The following DYNC1I1 variants were observed in gnomAD, a reference collection of about 807,000 sequenced individuals.
The protein encoded by DYNC1I1 is dynein cytoplasmic 1 intermediate chain 1, also known as cytoplasmic dynein 1 intermediate chain 1.
A neutral mutation model predicts 86.6 loss-of-function variants in DYNC1I1; 43 were observed. That is an observed-to-expected ratio of 0.50 (90% confidence interval 0.39 to 0.64). The LOEUF is 0.64. DYNC1I1 is among the 30% of genes least tolerant of loss of function. The pLI is 0.00. For synonymous variants in DYNC1I1, 262 were observed against 283.7 expected, an observed-to-expected ratio of 0.92 and a Z score of 0.77; for missense variants, 604 against 788.8, an observed-to-expected ratio of 0.77 and a Z score of 2.81.
intron 5 of DYNC1I1, among the ~76,000 whole-genome samples, chr7:95,868,757 T>C (rs1790082417): frequency 6.6e-6 from 1 of 152,216 alleles, no homozygotes; most frequent in Non-Finnish European, 1.5e-5. Context: ...GTGTATGTGG[T>C]ACATAGACAT....
intron 10 of DYNC1I1, among the ~76,000 whole-genome samples, chr7:96,019,754 T>C (rs1454595483): frequency 6.6e-6 from 1 of 152,110 alleles, no homozygotes; most frequent in Non-Finnish European, 1.5e-5. Context: ...TGTTACTAGA[T>C]CATCAGGACA....
At chr7:95,889,507 C>T (rs1159476019) in intron 6 of DYNC1I1, among the ~76,000 whole-genome samples, 1 of 152,118 alleles carries the variant, frequency 6.6e-6, no homozygotes, top group Non-Finnish European at 1.5e-5. Flanking sequence ...TGAAAGTTAA[C>T]CTAGGCAATA....
At chr7:96,037,024 A>G (rs1394049440) in intron 13 of DYNC1I1, among the ~76,000 whole-genome samples, 3 of 152,212 alleles carry the variant, frequency 2.0e-5, no homozygotes, top group African/African-American at 4.8e-5. Context: ...ATGAAGAACC[A>G]CAAATTGTTC....
At chr7:96,046,133 A>C (rs1268528296) in intron 14 of DYNC1I1, among the ~76,000 whole-genome samples, 2 of 152,206 alleles carry the variant, frequency 1.3e-5, no homozygotes, top group East Asian at 3.9e-4. Flanking sequence ...ACCAGGCTGC[A>C]TTCCAGGCAG....
chr7:95,803,302 C>T (rs1584237413), intron 1 of DYNC1I1, among the ~76,000 whole-genome samples: 1 of 152,296 alleles, frequency 6.6e-6, no homozygotes. Flanking sequence ...TTGAGCTATA[C>T]GCTCTTTGAA....
At chr7:95,845,405 C>A (rs761040911) in intron 5 of DYNC1I1, among the ~76,000 whole-genome samples, 8 of 152,150 alleles carry the variant, frequency 5.3e-5, no homozygotes, top group Non-Finnish European at 1.0e-4. Flanking sequence ...TTGCCATTTG[C>A]CTAACAGAAC....
chr7:96,009,987 C>T (rs1187479651), intron 10 of DYNC1I1, among the ~76,000 whole-genome samples: 1 of 152,090 alleles, frequency 6.6e-6, no homozygotes, highest in Non-Finnish European at 1.5e-5. Flanking sequence ...CCATGTTGGT[C>T]AGGCTGATCT....
At chr7:95,911,638 A>C (rs1197169174) in intron 6 of DYNC1I1, among the ~76,000 whole-genome samples, 1 of 152,130 alleles carries the variant, frequency 6.6e-6, no homozygotes, top group Non-Finnish European at 1.5e-5. Flanking sequence ...GTGATTCTCA[A>C]ATTTGAGCAT....
rs182714692 is a variant in DYNC1I1, at chr7:95,964,997, A to G, written c.491-12515A>G. On this transcript the variant is annotated intron_variant, in intron 6 of 16. Transcript: ENST00000447467. Reference sequence around the variant, plus strand: ...CAAACCAAAGAGTGGTAGCCCATGCATTATGAGATAGAGCTGGACACATGG... The same window carrying G: ...CAAACCAAAGAGTGGTAGCCCATGCGTTATGAGATAGAGCTGGACACATGG... Among the ~76,000 whole-genome samples the G allele has an allele frequency of 4.6e-5, 7 of 152,320 alleles. No homozygotes were observed. The East Asian group carries it at 1.2e-3, about 25-fold the overall frequency.
chr7:96,041,505 A>G lies in DYNC1I1; in HGVS notation c.1509+2084A>G, dbSNP rs1314280550. Among the ~76,000 whole-genome samples the G allele has an allele frequency of 4.6e-5, 7 of 152,224 alleles. No homozygotes were observed. In the South Asian group the frequency reaches 1.0e-3, roughly 23 times the overall value. On this transcript the variant is annotated intron_variant, in intron 14 of 16. Transcript: ENST00000447467. The stretch of plus-strand genomic sequence containing the variant: ...TACCAGCAAAAATAAGACAGAAGAC[A>G]TATGGAGAAGGACATTCACTGAAAG...
At chr7:96,110,221 A>AGCACC (rs1791292554), downstream of DYNC1I1, 1 of 263,604 alleles carries the variant, frequency 3.8e-6, no homozygotes, top group African/African-American at 2.3e-5. Context: ...AGGTGCCTAC[A>AGCACC]TATTGAGGAT....
chr7:96,031,016 A>G (rs141705624), intron 11 of DYNC1I1, among the ~76,000 whole-genome samples: 10 of 152,304 alleles, frequency 6.6e-5, no homozygotes, highest in African/African-American at 2.2e-4. Context: ...TGAAAGACAT[A>G]GGGACTTAGC....
intron 1 of DYNC1I1, among the ~76,000 whole-genome samples, chr7:95,785,611 A>G (rs1479257694): frequency 6.6e-6 from 1 of 151,724 alleles, no homozygotes; most frequent in Non-Finnish European, 1.5e-5. Flanking sequence ...CAAATATGCC[A>G]TTTCAAAGGT....
At chr7:95,859,240 G>A (rs958106824) in intron 5 of DYNC1I1, among the ~76,000 whole-genome samples, 6 of 151,282 alleles carry the variant, frequency 4.0e-5, no homozygotes, top group Admixed American at 2.0e-4. Flanking sequence ...TTGTTTCTCT[G>A]TATTTTCTTG....
chr7:95,822,871 T>C (rs1320727406), intron 4 of DYNC1I1, among the ~76,000 whole-genome samples: 1 of 152,164 alleles, frequency 6.6e-6, no homozygotes, highest in Non-Finnish European at 1.5e-5. Flanking sequence ...GCTAGGTTGG[T>C]CATCCCAGGA....
chr7:96,065,866 C>T (rs950494292), intron 14 of DYNC1I1, among the ~76,000 whole-genome samples: 1 of 152,174 alleles, frequency 6.6e-6, no homozygotes, highest in Non-Finnish European at 1.5e-5. Context: ...CTCTATTTCT[C>T]TATTTTTTCT....
intron 8 of DYNC1I1, among the ~76,000 whole-genome samples, chr7:95,986,387 G>A (rs1278886527): frequency 6.6e-6 from 1 of 152,248 alleles, no homozygotes; most frequent in East Asian, 1.9e-4. Flanking sequence ...CCAGCACTGA[G>A]TTCCTTGAAG....
At chr7:95,923,555 C>G (rs1791666474) in intron 6 of DYNC1I1, among the ~76,000 whole-genome samples, 1 of 152,002 alleles carries the variant, frequency 6.6e-6, no homozygotes, top group African/African-American at 2.4e-5. Context: ...AGGTACTATC[C>G]ACACGCAAAA....
At chr7:96,016,722 A>G (rs1199451014) in intron 10 of DYNC1I1, among the ~76,000 whole-genome samples, 2 of 152,180 alleles carry the variant, frequency 1.3e-5, no homozygotes, top group Non-Finnish European at 2.9e-5. Flanking sequence ...ACAGATTAAG[A>G]AGCTGGCTCT....
Sources: allele counts gnomAD v4.1 joint callset (sites outside exome capture counted in the v4.1 genomes callset), GRCh38; gene constraint gnomAD v4.1.1; transcripts MANE v1.5; gene names NCBI Gene and HGNC (gene_info 2026-07-23, HGNC 2026-07-21).